The following ZNF736 variants were observed in gnomAD, a reference collection of about 807,000 sequenced individuals.
ZNF736 encodes the protein KRAB-containing zinc-finger repressor protein.
A neutral mutation model predicts 11.7 loss-of-function variants in ZNF736; 6 were observed. The observed-to-expected ratio is 0.51, with a 90% CI of 0.28 to 1.01. The LOEUF (loss-of-function observed/expected upper bound fraction) is 1.01, where lower values mean the gene tolerates loss of function less well. ZNF736 is among the 50% of genes least tolerant of loss of function. The pLI is 0.09. For synonymous variants in ZNF736, 139 were observed against 164.7 expected, an observed-to-expected ratio of 0.84 and a Z score of 1.19; for missense variants, 444 against 496.0, an observed-to-expected ratio of 0.90 and a Z score of 1.00.
intron 1 of ZNF736, among the ~76,000 whole-genome samples, chr7:64,333,123 G>T (rs1015449638): frequency 2.0e-5 from 3 of 152,178 alleles, no homozygotes; most frequent in Non-Finnish European, 4.4e-5. Context: ...ACTGATAAAT[G>T]TCCAAGAAGT....
In ZNF736 at chr7:64,314,053, G is replaced by A; in HGVS notation, c.-98G>A. The A allele has an allele frequency of 6.6e-7, 1 of 1,506,058 alleles. No individual in the cohort carries two copies. The highest frequency in any genetic ancestry group is 2.5e-5 in the East Asian group (1 of 40,676). The allele number at this position is 1,506,058 out of a possible 1,614,324, so 93.3% of individuals were successfully genotyped here. A position where few individuals can be genotyped will look rare whatever the true frequency, so the allele number is the denominator to read the frequency against. On this transcript the variant is annotated 5_prime_UTR_variant, in exon 1 of 4. Coordinates refer to ENST00000423484, the MANE Select transcript of ZNF736 (RefSeq NM_001170905.3). Reference sequence around the variant, plus strand: ...CACTGTTCCATCTCCTCCGTTCCTGGAGTTCCTCGGTGACTCTACTATAGC... The same window carrying A: ...CACTGTTCCATCTCCTCCGTTCCTGAAGTTCCTCGGTGACTCTACTATAGC...
intron 3 of ZNF736, among the ~76,000 whole-genome samples, chr7:64,341,862 A>G (rs1361076882): frequency 6.6e-6 from 1 of 152,168 alleles, no homozygotes; most frequent in Non-Finnish European, 1.5e-5. Flanking sequence ...ATAGCCATAC[A>G]CTCAGATAGG....
At chr7:64,346,879 T>C (rs1789416723) in intron 3 of ZNF736, among the ~76,000 whole-genome samples, 1 of 152,034 alleles carries the variant, frequency 6.6e-6, no homozygotes, top group South Asian at 2.1e-4. Context: ...CATTGAGATG[T>C]AATTTTGATT....
chr7:64,336,995 G>C lies in ZNF736; in HGVS notation c.226+13G>C, dbSNP rs754424616. 4 of 1,587,334 alleles carry C rather than the reference G, an allele frequency of 2.5e-6. No individual in the cohort carries two copies. In the African/African-American group the frequency reaches 5.4e-5, roughly 21 times the overall value. On this transcript the variant is annotated intron_variant, in intron 3 of 3. Coordinates refer to ENST00000423484, the MANE Select transcript of ZNF736 (RefSeq NM_001170905.3). ...GCCAAACACCCAGGTAGGTGGGAGT[G>C]AATGAAGCAGATGACACAAATGACG...
intron 3 of ZNF736, among the ~76,000 whole-genome samples, chr7:64,345,436 A>G (rs568094301): frequency 2.3e-4 from 35 of 151,864 alleles, no homozygotes; most frequent in African/African-American, 7.5e-4. Flanking sequence ...AGCATGCTCA[A>G]AAGTGTGTTG....
intron 1 of ZNF736, among the ~76,000 whole-genome samples, chr7:64,318,761 T>G: frequency 6.6e-6 from 1 of 152,166 alleles, no homozygotes; most frequent in Non-Finnish European, 1.5e-5. Context: ...AAGACATTTA[T>G]AGACATATAT....
chr7:64,316,358 A>G (rs756360952), intron 1 of ZNF736, among the ~76,000 whole-genome samples: 1 of 152,202 alleles, frequency 6.6e-6, no homozygotes, highest in African/African-American at 2.4e-5. Flanking sequence ...TGGTCAACCA[A>G]TCAGGTGCTG....
At chr7:64,335,869 T>G (rs1014197509) in intron 1 of ZNF736, among the ~76,000 whole-genome samples, 8 of 152,194 alleles carry the variant, frequency 5.3e-5, no homozygotes, top group African/African-American at 1.4e-4. Flanking sequence ...AATCTAGGTT[T>G]TAACAAGATC....
rs1198797985 is a variant in ZNF736 at position 64,348,803 on chromosome 7, A to T, written c.940A>T (p.Thr314Ser). The T allele has an allele frequency of 1.3e-6, 2 of 1,587,012 alleles. No individual in the cohort carries two copies. The highest frequency in any genetic ancestry group is 3.6e-5 in the Admixed American group (2 of 55,370). Reference sequence around the variant, plus strand: ...AATTCATACTGGAGACAAACCCTACACATGTAATGAATGTGGAAAAGCTTT... The same window carrying T: ...AATTCATACTGGAGACAAACCCTACTCATGTAATGAATGTGGAAAAGCTTT... ...KIIHTGDKPY[T>S]CNECGKAFKW... The change falls in exon 4 of 4, where the codon ACA (threonine) becomes TCA (serine). Residue 314 changes from threonine (T) to serine (S), a missense_variant. Thr to Ser is a moderately conservative substitution (Grantham distance 58, BLOSUM62 1). Coordinates refer to ENST00000423484, the MANE Select transcript of ZNF736 (RefSeq NM_001170905.3).
chr7:64,327,972 C>T (rs1028062597), intron 1 of ZNF736, among the ~76,000 whole-genome samples: 3 of 151,998 alleles, frequency 2.0e-5, no homozygotes. Context: ...TGAGTTATGG[C>T]CTTAAGGAGG....
intron 1 of ZNF736, among the ~76,000 whole-genome samples, chr7:64,319,252 ATGTATGTGTGTGTG>A (rs527552381): frequency 1.4e-3 from 205 of 149,154 alleles, no homozygotes; most frequent in African/African-American, 4.4e-3. Context: ...ACGTATGTAT[ATGTATGTGTGTGTG>A]TGTATATATA....
intron 1 of ZNF736, among the ~76,000 whole-genome samples, chr7:64,319,491 T>TC (rs1788972829): frequency 6.6e-5 from 3 of 45,436 alleles, no homozygotes; most frequent in African/African-American, 3.0e-4. Flanking sequence ...TTTCTTCCCT[T>TC]TTTTTTTTTT....
At position 64,356,329 on chromosome 7, in the gene ZNF736, C is replaced by T. The variant is rs1193463540; in HGVS notation, c.*7182C>T. On this transcript the variant is annotated 3_prime_UTR_variant, in exon 4 of 4. Transcript: ENST00000423484. ...AGATTTTTTTCTCTTAAATTTTTGG[C>T]AAGTATAAAAGCACATTCAGAATGT... 1 of 152,064 alleles carries T rather than the reference C, an allele frequency of 6.6e-6. No homozygotes were observed. Among genetic ancestry groups the T allele is most frequent in the East Asian group, 1.9e-4 (1 of 5,194 alleles). 9.4% of individuals were successfully genotyped at this position (152,064 alleles called of 1,614,324 possible).
chr7:64,347,217 CTTTTTTT>C (rs35033527), intron 3 of ZNF736, among the ~76,000 whole-genome samples: 12 of 55,874 alleles, frequency 2.1e-4, no homozygotes, highest in African/African-American at 7.6e-4. Context: ...AAATGTTCGC[CTTTTTTT>C]TTTTTTTTTT....
intron 1 of ZNF736, among the ~76,000 whole-genome samples, chr7:64,315,905 G>T (rs1368201588): frequency 6.6e-6 from 1 of 151,930 alleles, no homozygotes; most frequent in Non-Finnish European, 1.5e-5. Flanking sequence ...CAGAGCCGTG[G>T]GTGGCTCTTT....
rs529522991 is a variant in ZNF736 at position 64,353,395 on chromosome 7, A to G, written c.*4248A>G. 6 of 152,220 alleles carry G rather than the reference A, an allele frequency of 3.9e-5. No individual in the cohort carries two copies. The highest frequency in any genetic ancestry group is 1.9e-4 in the East Asian group (1 of 5,202). 9.4% of individuals were successfully genotyped at this position (152,220 alleles called of 1,614,324 possible). ...TTATGTATACCTTGCATTCCTGTCT[A>G]TGAGAACTGCACAGTCTAGCTGCTT... is the stretch of plus-strand genomic sequence containing the variant. On this transcript the variant is annotated 3_prime_UTR_variant, in exon 4 of 4. Coordinates refer to ENST00000423484, the MANE Select transcript of ZNF736 (RefSeq NM_001170905.3).
intron 1 of ZNF736, among the ~76,000 whole-genome samples, chr7:64,325,067 T>C (rs1789064463): frequency 6.6e-6 from 1 of 152,212 alleles, no homozygotes; most frequent in African/African-American, 2.4e-5. Flanking sequence ...CTATTGACTT[T>C]CGTTATAGAT....
rs954287510 is a variant in ZNF736, at chr7:64,339,756, T to C, written c.226+2774T>C. Among the ~76,000 whole-genome samples, 10 of 139,724 alleles carry C rather than the reference T, an allele frequency of 7.2e-5. 1 individual carries two copies. The highest frequency in any genetic ancestry group is 2.4e-4 in the African/African-American group (10 of 40,842). The allele number at this position is 139,724 out of a possible 152,430, so 91.7% of individuals were successfully genotyped here. A position where few individuals can be genotyped will look rare whatever the true frequency, so the allele number is the denominator to read the frequency against. ...TTTGTTTTTAATCCTCAAAACTGCT[T>C]TGGATATTCAGTGTTTCTTGTAATT... is the stretch of plus-strand genomic sequence containing the variant. On this transcript the variant is annotated intron_variant, in intron 3 of 3. Coordinates refer to ENST00000423484, the MANE Select transcript of ZNF736 (RefSeq NM_001170905.3).
chr7:64,323,414 TA>T (rs1450376063), intron 1 of ZNF736, among the ~76,000 whole-genome samples: 4 of 139,930 alleles, frequency 2.9e-5, no homozygotes, highest in Non-Finnish European at 4.6e-5. Context: ...CAATTAAACT[TA>T]AGCAGTATAT....
Sources: allele counts gnomAD v4.1 joint callset (sites outside exome capture counted in the v4.1 genomes callset), GRCh38; gene constraint gnomAD v4.1.1; transcripts MANE v1.5; gene names NCBI Gene and HGNC (gene_info 2026-07-23, HGNC 2026-07-21).